The following ATRNL1 variants were observed in gnomAD, a reference collection of about 807,000 sequenced individuals.
ATRNL1 encodes attractin-like protein 1.
A neutral mutation model predicts 182.7 loss-of-function variants in ATRNL1; 95 were observed. The observed-to-expected ratio is 0.52, with a 90% CI of 0.44 to 0.62. The LOEUF is 0.62. Ranked by LOEUF, ATRNL1 falls within the 20% of genes least tolerant of loss-of-function variation. The pLI is 0.00. For missense variants in ATRNL1, 1,471 were observed against 1,679.5 expected (o/e 0.88, Z 2.17); for synonymous variants, 576 against 568.3 (o/e 1.01, Z -0.19).
intron 8 of ATRNL1, among the ~76,000 whole-genome samples, chr10:115,180,735 T>C (rs958061208): frequency 7.9e-5 from 12 of 151,956 alleles, no homozygotes; most frequent in African/African-American, 2.9e-4. Context: ...TTTTATGTCT[T>C]GCCAAATTGT....
At chr10:115,240,398 C>A (rs1437501182) in intron 9 of ATRNL1, among the ~76,000 whole-genome samples, 1 of 151,810 alleles carries the variant, frequency 6.6e-6, no homozygotes, top group African/African-American at 2.4e-5. Flanking sequence ...ACTACGGGCA[C>A]GTGCCACCAT....
intron 1 of ATRNL1, among the ~76,000 whole-genome samples, chr10:115,119,392 ATG>A (rs1404173260): frequency 6.6e-6 from 1 of 151,858 alleles, no homozygotes; most frequent in Non-Finnish European, 1.5e-5. Flanking sequence ...ATTAGCTGTG[ATG>A]TGTGTGTGTT....
chr10:115,569,366 T>C (rs962468066), intron 26 of ATRNL1, among the ~76,000 whole-genome samples: 1 of 152,224 alleles, frequency 6.6e-6, no homozygotes, highest in Admixed American at 6.5e-5. Context: ...AATTATAGGA[T>C]AAATTCCAAA....
At chr10:115,637,935 T>C (rs1179096014) in intron 26 of ATRNL1, among the ~76,000 whole-genome samples, 6 of 152,140 alleles carry the variant, frequency 3.9e-5, no homozygotes, top group African/African-American at 1.4e-4. Flanking sequence ...TAACTTCTTA[T>C]TAAAGACAGA....
intron 10 of ATRNL1, among the ~76,000 whole-genome samples, chr10:115,257,138 C>T (rs560314990): frequency 9.2e-5 from 14 of 152,244 alleles, no homozygotes; most frequent in African/African-American, 3.1e-4. Context: ...CTGTAGATGT[C>T]TTTTAGGTTT....
chr10:115,465,073 G>T (rs1554970520), intron 22 of ATRNL1, among the ~76,000 whole-genome samples: 1 of 151,624 alleles, frequency 6.6e-6, no homozygotes. Flanking sequence ...CCATTTTAGA[G>T]ATTAGAAAAA....
intron 26 of ATRNL1, among the ~76,000 whole-genome samples, chr10:115,612,547 A>G (rs1254258029): frequency 1.3e-5 from 2 of 152,216 alleles, no homozygotes; most frequent in Admixed American, 6.5e-5. Context: ...AATTCGTTTT[A>G]AAACAAACAA....
At chr10:115,798,172 C>T (rs1194848305) in intron 27 of ATRNL1, among the ~76,000 whole-genome samples, 1 of 152,170 alleles carries the variant, frequency 6.6e-6, no homozygotes, top group Admixed American at 6.5e-5. Context: ...CCACCTCGGC[C>T]TCCCCAAGTG....
intron 1 of ATRNL1, among the ~76,000 whole-genome samples, chr10:115,095,153 A>G (rs2084979020): frequency 6.6e-6 from 1 of 152,170 alleles, no homozygotes; most frequent in Non-Finnish European, 1.5e-5. Context: ...TCATTAAGAA[A>G]GTCAGCTTCT....
chr10:115,885,777 A>G (rs1447115151), intron 28 of ATRNL1, among the ~76,000 whole-genome samples: 6 of 152,164 alleles, frequency 3.9e-5, no homozygotes, highest in Non-Finnish European at 7.3e-5. Flanking sequence ...GTCTTTTATC[A>G]TATTTCTCAT....
chr10:115,230,913 G>GAGAAAGAGAGAGAA (rs1554899828), intron 9 of ATRNL1, among the ~76,000 whole-genome samples: 4 of 117,608 alleles, frequency 3.4e-5, no homozygotes, highest in African/African-American at 1.4e-4. Context: ...GAGAGAGAGA[G>GAGAAAGAGAGAGAA]AGAGAGAGAA....
intron 26 of ATRNL1, among the ~76,000 whole-genome samples, chr10:115,580,349 T>G (rs144560859): frequency 1.4e-3 from 210 of 152,240 alleles, no homozygotes; most frequent in African/African-American, 4.7e-3. Flanking sequence ...TTCCCTTTGT[T>G]TTTGAAAGGC....
chr10:115,621,984 A>G (rs938491217), intron 26 of ATRNL1, among the ~76,000 whole-genome samples: 12 of 152,204 alleles, frequency 7.9e-5, no homozygotes, highest in African/African-American at 2.2e-4. Flanking sequence ...GAGGAGACTC[A>G]CCAGACACTA....
intron 26 of ATRNL1, among the ~76,000 whole-genome samples, chr10:115,559,414 T>TTGTGTG (rs138709567): frequency 7.2e-4 from 106 of 147,656 alleles, no homozygotes; most frequent in South Asian, 2.4e-3. Flanking sequence ...TTCTTGGTGT[T>TTGTGTG]TGTGTGTGTG....
intron 27 of ATRNL1, among the ~76,000 whole-genome samples, chr10:115,757,548 C>T (rs1296201915): frequency 6.6e-6 from 1 of 152,154 alleles, no homozygotes; most frequent in Admixed American, 6.5e-5. Context: ...TGATGGGCTT[C>T]CCTTTGTGGG....
intron 28 of ATRNL1, among the ~76,000 whole-genome samples, chr10:115,860,161 A>G (rs1589615121): frequency 6.6e-6 from 1 of 152,186 alleles, no homozygotes; most frequent in South Asian, 2.1e-4. Context: ...GGAATCCTAC[A>G]TGGTCCCTGG....
intron 5 of ATRNL1, among the ~76,000 whole-genome samples, chr10:115,129,788 G>A (rs1477420126): frequency 1.3e-5 from 2 of 152,094 alleles, no homozygotes; most frequent in Non-Finnish European, 2.9e-5. Context: ...TGAATTGTTA[G>A]GTGTGTGATA....
intron 26 of ATRNL1, among the ~76,000 whole-genome samples, chr10:115,638,198 T>G (rs1268145563): frequency 1.3e-5 from 2 of 152,124 alleles, no homozygotes; most frequent in African/African-American, 4.8e-5. Context: ...TTTCTATATT[T>G]AGATATGTTT....
chr10:115,542,749 T>C (rs1436024941), intron 25 of ATRNL1, among the ~76,000 whole-genome samples: 1 of 152,090 alleles, frequency 6.6e-6, no homozygotes, highest in African/African-American at 2.4e-5. Flanking sequence ...AGAAATGTAT[T>C]ATCTCCCAGT....
Sources: gnomAD v4.1 joint callset for allele counts (sites outside exome capture counted in the v4.1 genomes callset) on GRCh38, gnomAD v4.1.1 for gene constraint, MANE v1.5 for transcripts, NCBI Gene and HGNC (gene_info 2026-07-23, HGNC 2026-07-21) for gene names.